Variants in NIPBL observed in about 807,000 individuals in gnomAD.
NIPBL encodes NIPBL cohesin loading factor.
A neutral mutation model predicts 321.8 loss-of-function variants in NIPBL; 19 were observed. That is an observed-to-expected ratio of 0.06 (90% CI 0.04 to 0.09). NIPBL has a LOEUF of 0.09. NIPBL is among the 10% of genes least tolerant of loss of function. The pLI is 1.00. For missense variants in NIPBL, 2,210 were observed against 3,327.0 expected (o/e 0.66, Z 8.26); for synonymous variants, 1,106 against 1,114.1 (o/e 0.99, Z 0.14).
At chr5:37,037,818 AC>A (rs1751882406) in intron 33 of NIPBL, among the ~76,000 whole-genome samples, 4 of 151,654 alleles carry the variant, frequency 2.6e-5, no homozygotes, top group African/African-American at 9.7e-5. Flanking sequence ...TTTTCTTCCC[AC>A]CTGAACAGCA....
chr5:36,958,641 C>T (rs111340475), intron 4 of NIPBL, among the ~76,000 whole-genome samples: 1 of 152,110 alleles, frequency 6.6e-6, no homozygotes, highest in African/African-American at 2.4e-5. Context: ...TGATTTAATA[C>T]TCCTGTTGCC....
At chr5:37,003,190 G>A in intron 15 of NIPBL, 71 bp from the exon 16 acceptor site, 1 of 921,338 alleles carries the variant, frequency 1.1e-6, no homozygotes, top group Non-Finnish European at 1.8e-6. Flanking sequence ...GGGAATAATT[G>A]TACAGATTGT....
chr5:37,029,028 G>C (rs957339504), intron 32 of NIPBL, among the ~76,000 whole-genome samples: 69 of 152,162 alleles, frequency 4.5e-4, no homozygotes, highest in African/African-American at 1.7e-3. Flanking sequence ...AAATCTAGAG[G>C]CTTAATATGA....
chr5:37,063,774 T>C lies in NIPBL; in HGVS notation c.7861-16T>C. ...ATATTTACTTAAAATTCTGAAATAA[T>C]ATCTGTTTTTTGTAGTTCAAACTTC... is the stretch of plus-strand genomic sequence containing the variant. On this transcript the variant is annotated splice_polypyrimidine_tract_variant and intron_variant, in intron 45 of 46. Coordinates refer to ENST00000282516, the MANE Select transcript of NIPBL (RefSeq NM_133433.4). 1 of 1,604,420 alleles carries C rather than the reference T, an allele frequency of 6.2e-7. No homozygotes were observed. The highest frequency in any genetic ancestry group is 1.1e-5 in the South Asian group (1 of 89,458).
chr5:37,013,296 G>A (rs1301275953), intron 21 of NIPBL, among the ~76,000 whole-genome samples: 7 of 150,440 alleles, frequency 4.7e-5, no homozygotes, highest in African/African-American at 1.2e-4. Flanking sequence ...CAGGCGGGGG[G>A]CTGACCCCCC....
intron 1 of NIPBL, among the ~76,000 whole-genome samples, chr5:36,938,040 C>T (rs1738638428): frequency 2.0e-5 from 3 of 152,270 alleles, no homozygotes; most frequent in African/African-American, 7.2e-5. Flanking sequence ...CATTTACCCC[C>T]TGCTCCTAAA....
At chr5:37,056,142 TTAAAAC>T (rs1172559759) in intron 42 of NIPBL, among the ~76,000 whole-genome samples, 2 of 152,198 alleles carry the variant, frequency 1.3e-5, no homozygotes, top group Non-Finnish European at 2.9e-5. Flanking sequence ...AATTATAGTG[TTAAAAC>T]TAATAGATGA....
chr5:36,953,936 A>T (rs1580319741), intron 2 of NIPBL, among the ~76,000 whole-genome samples, 176 bp downstream of exon 2: 1 of 152,138 alleles, frequency 6.6e-6, no homozygotes, highest in East Asian at 1.9e-4. Flanking sequence ...CTTCTTAGTG[A>T]TGTTTATTTT....
intron 1 of NIPBL, among the ~76,000 whole-genome samples, chr5:36,928,506 G>A (rs1238736835): frequency 6.6e-6 from 1 of 152,166 alleles, no homozygotes; most frequent in Admixed American, 6.5e-5. Flanking sequence ...AATGTTTAGA[G>A]CTAGATAAAG....
intron 21 of NIPBL, among the ~76,000 whole-genome samples, chr5:37,012,940 C>T (rs1173985342): frequency 1.3e-5 from 2 of 152,258 alleles, no homozygotes; most frequent in Non-Finnish European, 2.9e-5. Flanking sequence ...TTCCACAAAA[C>T]CGCCATTGTC....
intron 34 of NIPBL, among the ~76,000 whole-genome samples, chr5:37,042,434 CA>C (rs557678534): frequency 9.0e-5 from 13 of 145,160 alleles, no homozygotes; most frequent in African/African-American, 1.5e-4. Flanking sequence ...GGCTCTGTGT[CA>C]AAAAAAAAAG....
At chr5:37,013,692 C>T (rs1486125685) in intron 21 of NIPBL, among the ~76,000 whole-genome samples, 1 of 151,740 alleles carries the variant, frequency 6.6e-6, no homozygotes, top group Non-Finnish European at 1.5e-5. Context: ...GATGGGATGG[C>T]GGCCGGGCAG....
chr5:36,919,495 A>T (rs1748751361), intron 1 of NIPBL, among the ~76,000 whole-genome samples: 1 of 151,934 alleles, frequency 6.6e-6, no homozygotes, highest in Non-Finnish European at 1.5e-5. Flanking sequence ...CACTGCACCG[A>T]GTATTACTTT....
chr5:37,004,951 G>T (rs1747251667), intron 16 of NIPBL, among the ~76,000 whole-genome samples: 2 of 152,134 alleles, frequency 1.3e-5, no homozygotes, highest in African/African-American at 4.8e-5. Flanking sequence ...AGGATTGCTA[G>T]GGGATCTACA....
At chr5:36,886,686 T>C (rs1208935952) in intron 1 of NIPBL, among the ~76,000 whole-genome samples, 1 of 152,014 alleles carries the variant, frequency 6.6e-6, no homozygotes, top group Non-Finnish European at 1.5e-5. Flanking sequence ...TGATGAGTTT[T>C]GACAAACATA....
At chr5:36,968,362 G>A (rs955023069) in intron 6 of NIPBL, among the ~76,000 whole-genome samples, 4 of 152,064 alleles carry the variant, frequency 2.6e-5, no homozygotes, top group African/African-American at 9.7e-5. Flanking sequence ...GAGGTCAGCA[G>A]ATTGAGACCA....
chr5:37,028,300 T>C (rs565512662), intron 32 of NIPBL, among the ~76,000 whole-genome samples: 24 of 151,602 alleles, frequency 1.6e-4, no homozygotes, highest in Non-Finnish European at 3.1e-4. Context: ...GGTTTTCTCC[T>C]TTTCTTTCTT....
At chr5:37,048,335 C>T (rs1561210276) in intron 38 of NIPBL, among the ~76,000 whole-genome samples, 167 bp from the exon 39 acceptor site, 1 of 152,174 alleles carries the variant, frequency 6.6e-6, no homozygotes, top group Non-Finnish European at 1.5e-5. Flanking sequence ...AAAGAAGTAC[C>T]TGCTCTAATG....
intron 34 of NIPBL, among the ~76,000 whole-genome samples, chr5:37,039,667 A>G (rs571584276): frequency 3.9e-5 from 6 of 152,248 alleles, no homozygotes; most frequent in Admixed American, 3.9e-4. Flanking sequence ...CTGTGTTCCT[A>G]ATGTTCCTAA....
Sources: allele counts gnomAD v4.1 joint callset (sites outside exome capture counted in the v4.1 genomes callset), GRCh38; gene constraint gnomAD v4.1.1; transcripts MANE v1.5; gene names NCBI Gene and HGNC (gene_info 2026-07-23, HGNC 2026-07-21).